ENTHD1: variants seen among roughly 807,000 people sequenced by gnomAD.
ENTHD1 encodes ENTH domain-containing protein 1.
A neutral mutation model predicts 39.1 loss-of-function variants in ENTHD1; 23 were observed. That is an observed-to-expected ratio of 0.59 (90% CI 0.42 to 0.83). ENTHD1 has a LOEUF of 0.83. Ranked by LOEUF, ENTHD1 falls within the 40% of genes least tolerant of loss-of-function variation. ENTHD1 has a pLI of 0.00. For synonymous variants in ENTHD1, 230 were observed against 258.2 expected, an observed-to-expected ratio of 0.89 and a Z score of 1.05; for missense variants, 624 against 705.4, an observed-to-expected ratio of 0.88 and a Z score of 1.31.
chr22:39,764,962 CA>C (rs1390224083), intron 6 of ENTHD1, among the ~76,000 whole-genome samples: 1 of 152,000 alleles, frequency 6.6e-6, no homozygotes, highest in Non-Finnish European at 1.5e-5. Context: ...TGGTCTGCAC[CA>C]AAATTGCTCA....
At chr22:39,838,080 T>C (rs571613985) in intron 3 of ENTHD1, among the ~76,000 whole-genome samples, 2 of 152,352 alleles carry the variant, frequency 1.3e-5, no homozygotes, top group South Asian at 2.1e-4. Context: ...CAGCATATGA[T>C]ACAATAAAAT....
intron 5 of ENTHD1, among the ~76,000 whole-genome samples, chr22:39,783,656 A>G (rs1477286001): frequency 6.6e-6 from 1 of 152,182 alleles, no homozygotes; most frequent in African/African-American, 2.4e-5. Context: ...AAAAAAAGAC[A>G]GTCTCTCCAA....
intron 2 of ENTHD1, among the ~76,000 whole-genome samples, chr22:39,880,302 T>A (rs2066326958): frequency 6.6e-6 from 1 of 152,102 alleles, no homozygotes; most frequent in Non-Finnish European, 1.5e-5. Flanking sequence ...AGTGAAAAGA[T>A]CAATGCTTGC....
chr22:39,866,906 T>C (rs890288672), intron 2 of ENTHD1, among the ~76,000 whole-genome samples: 28 of 152,224 alleles, frequency 1.8e-4, no homozygotes, highest in Admixed American at 1.4e-3. Flanking sequence ...GAAATCTACA[T>C]ACTTTTTTTT....
chr22:39,890,903 G>A (rs1047294879), intron 1 of ENTHD1, among the ~76,000 whole-genome samples: 9 of 152,172 alleles, frequency 5.9e-5, no homozygotes, highest in African/African-American at 2.2e-4. Flanking sequence ...TTGACAAGGA[G>A]CTCAATTAAT....
chr22:39,875,465 G>T, intron 2 of ENTHD1: 1 of 1,544,166 alleles, frequency 6.5e-7, no homozygotes. Flanking sequence ...GAGCGGCCAG[G>T]CCGTGCGCCG....
At chr22:39,754,349 C>T (rs138230061) in intron 6 of ENTHD1, among the ~76,000 whole-genome samples, 73 of 152,340 alleles carry the variant, frequency 4.8e-4, no homozygotes, top group African/African-American at 1.7e-3. Context: ...GAGAAAACCA[C>T]AGGCCTCTGC....
chr22:39,793,023 T>C (rs1346923610), intron 5 of ENTHD1, among the ~76,000 whole-genome samples: 1 of 152,194 alleles, frequency 6.6e-6, no homozygotes, highest in Non-Finnish European at 1.5e-5. Context: ...TTTTCCATAA[T>C]GGCTGTACTA....
intron 5 of ENTHD1, among the ~76,000 whole-genome samples, chr22:39,784,420 C>T (rs1156835954): frequency 1.3e-5 from 2 of 151,990 alleles, no homozygotes; most frequent in African/African-American, 4.8e-5. Context: ...GAAAGGAAAT[C>T]AATACAACAA....
intron 3 of ENTHD1, among the ~76,000 whole-genome samples, chr22:39,840,541 T>C (rs1203078568): frequency 6.6e-6 from 1 of 152,226 alleles, no homozygotes; most frequent in Non-Finnish European, 1.5e-5. Context: ...CATGTCCTTT[T>C]AGGTGTAATG....
intron 5 of ENTHD1, among the ~76,000 whole-genome samples, chr22:39,776,732 A>G (rs2065368323): frequency 6.6e-6 from 1 of 152,218 alleles, no homozygotes; most frequent in Non-Finnish European, 1.5e-5. Context: ...GAGAATAGCT[A>G]AGCTGTTAAA....
intron 6 of ENTHD1, among the ~76,000 whole-genome samples, chr22:39,755,413 A>G (rs2065177606): frequency 6.6e-6 from 1 of 152,160 alleles, no homozygotes; most frequent in African/African-American, 2.4e-5. Flanking sequence ...TTGAGAAAAT[A>G]TCAGGCTGGT....
At chr22:39,767,465 A>C (rs1380456787) in intron 5 of ENTHD1, among the ~76,000 whole-genome samples, 1 of 151,920 alleles carries the variant, frequency 6.6e-6, no homozygotes, top group Non-Finnish European at 1.5e-5. Flanking sequence ...TTCTATGAAA[A>C]ACAAAACAAA....
intron 4 of ENTHD1, among the ~76,000 whole-genome samples, chr22:39,824,593 A>C (rs746522961): frequency 1.2e-4 from 19 of 152,208 alleles, no homozygotes; most frequent in Non-Finnish European, 2.2e-4. Flanking sequence ...ACTTGGAGTG[A>C]ATTTCTATAC....
At chr22:39,761,910 A>C (rs2065236395) in intron 6 of ENTHD1, among the ~76,000 whole-genome samples, 1 of 152,170 alleles carries the variant, frequency 6.6e-6, no homozygotes, top group South Asian at 2.1e-4. Flanking sequence ...GGGTCATCTA[A>C]GGGTCAGTTT....
intron 5 of ENTHD1, among the ~76,000 whole-genome samples, chr22:39,781,769 A>G (rs1466767570): frequency 6.6e-6 from 1 of 152,178 alleles, no homozygotes; most frequent in African/African-American, 2.4e-5. Context: ...TTTTGGTTAA[A>G]CTAAGAAAAG....
At chr22:39,835,784 A>T in intron 4 of ENTHD1, 56 bp downstream of exon 4, 1 of 1,295,226 alleles carries the variant, frequency 7.7e-7, no homozygotes, top group Non-Finnish European at 1.1e-6. Context: ...TGTTTGTTTT[A>T]AGGCACAAAA....
At position 39,824,410 on chromosome 22, in the gene ENTHD1, CGT is replaced by C. The variant is rs569928346; in HGVS notation, c.712-3299_712-3298del. ...ATCTTTAGTAGAGACGGGGTTTTACCGTGTTGGCCAGGCTGGTCTCAAACTCC... is the reference window on the plus strand; with the variant it reads ...ATCTTTAGTAGAGACGGGGTTTTACCGTTGGCCAGGCTGGTCTCAAACTCC... On this transcript the variant is annotated intron_variant, in intron 4 of 6. Coordinates refer to ENST00000325157, the MANE Select transcript of ENTHD1 (RefSeq NM_152512.4). Among the ~76,000 whole-genome samples the C allele has an allele frequency of 1.2e-4, 18 of 151,864 alleles. No individual in the cohort carries two copies. In the South Asian group the frequency reaches 3.7e-3, roughly 32 times the overall value.
At chr22:39,833,868 C>T (rs1345495604) in intron 4 of ENTHD1, among the ~76,000 whole-genome samples, 1 of 149,422 alleles carries the variant, frequency 6.7e-6, no homozygotes, top group Non-Finnish European at 1.5e-5. Flanking sequence ...GAAAAGAAAA[C>T]CACACTTACG....
Sources: allele counts gnomAD v4.1 joint callset (sites outside exome capture counted in the v4.1 genomes callset), GRCh38; gene constraint gnomAD v4.1.1; transcripts MANE v1.5; gene names NCBI Gene and HGNC (gene_info 2026-07-23, HGNC 2026-07-21).